Variants in FRMD4A observed in about 807,000 individuals in gnomAD.
The protein encoded by FRMD4A is FERM domain containing 4A, also known as FERM domain-containing protein 4A.
Under a neutral mutation model 129.1 loss-of-function variants are expected in FRMD4A, and 29 were observed. The observed-to-expected ratio is 0.22, with a 90% CI of 0.17 to 0.31. FRMD4A has a LOEUF of 0.31. Ranked by LOEUF, FRMD4A falls within the 10% of genes least tolerant of loss-of-function variation. The pLI, the probability that FRMD4A is intolerant of heterozygous loss-of-function variation, is 1.00. For missense variants in FRMD4A, 1,272 were observed against 1,375.8 expected (o/e 0.92, Z 1.19); for synonymous variants, 634 against 571.6 (o/e 1.11, Z -1.56).
chr10:13,675,021 G>A lies in FRMD4A; in HGVS notation c.1141C>T (p.Gln381Ter). ...GCCAGCATGTCCTTCTTGGCCGACTGCGAGCTATCTGATTCCTGAGAACCT... is the reference window on the plus strand; with the variant it reads ...GCCAGCATGTCCTTCTTGGCCGACTACGAGCTATCTGATTCCTGAGAACCT... ...SSGSQESDSSQSAKKDMLAAL... is the reference protein window; with the variant it reads ...SSGSQESDSS The change falls in exon 16 of 25, where the codon CAG becomes TAG. Residue 381 changes from glutamine (Q) to a stop codon, truncating the protein, a stop_gained. Transcript: ENST00000357447. LOFTEE classifies it high-confidence loss of function. 6.2e-7 allele frequency: 1 copy of A among 1,613,584 alleles called. No individual in the cohort carries two copies. The highest frequency in any genetic ancestry group is 8.5e-7 in the Non-Finnish European group (1 of 1,179,970).
At chr10:13,899,802 G>A (rs888610127) in intron 2 of FRMD4A, among the ~76,000 whole-genome samples, 11 of 152,234 alleles carry the variant, frequency 7.2e-5, no homozygotes, top group African/African-American at 2.4e-4. Context: ...ATACACTGGC[G>A]GTCACAGGCA....
rs1163403453 is a variant in FRMD4A at position 13,657,292 on chromosome 10, G to A, written c.2297C>T (p.Ala766Val). ...GTCCTCGGCCAGCGTGGAGTAGTTG[G>A]CGTTCATCTGCGCCGGGTAGTAGTG... Reference protein sequence around the residue: ...SEHYYPAQMNANYSTLAEDSP... With the variant: ...SEHYYPAQMNVNYSTLAEDSP... Residue 766 changes from alanine (A) to valine (V), a missense_variant, in exon 22 of 25, where the codon GCC becomes GTC. Ala to Val is a moderately conservative substitution (Grantham distance 64). This residue lies in a region of FRMD4A where 972 missense variants were observed against 892.3 expected (regional missense o/e 1.09). Transcript: ENST00000357447. 1.2e-6 allele frequency: 2 copies of A among 1,609,182 alleles called. No homozygotes were observed. The highest frequency in any genetic ancestry group is 1.7e-6 in the Non-Finnish European group (2 of 1,179,242).
chr10:14,185,476 A>G (rs115611869), intron 2 of FRMD4A, among the ~76,000 whole-genome samples: 1 of 152,226 alleles, frequency 6.6e-6, no homozygotes, highest in Admixed American at 6.5e-5. Context: ...AAAACATTAC[A>G]ACATTTTGTA....
intron 3 of FRMD4A, among the ~76,000 whole-genome samples, chr10:13,838,385 C>T (rs930243621): frequency 2.6e-5 from 4 of 151,946 alleles, no homozygotes; most frequent in Admixed American, 6.6e-5. Flanking sequence ...TGAACTACCA[C>T]GCCCAGCCAC....
At position 14,300,324 on chromosome 10, in the gene FRMD4A, C is replaced by A. The variant is rs952202046; in HGVS notation, c.45+29734G>T. On this transcript the variant is annotated intron_variant, in intron 2 of 24. Coordinates refer to ENST00000357447, the MANE Select transcript of FRMD4A (RefSeq NM_018027.5). ...TATGATGGGCTGATCTGAGCACTGA[C>A]TTTGCCATGCCCTGCACCAAGCTTA... 2.6e-5 allele frequency among the ~76,000 whole-genome samples: 4 copies of A among 152,292 alleles called. No homozygotes were observed. In the East Asian group the frequency reaches 7.7e-4, roughly 29 times the overall value.
intron 2 of FRMD4A, chr10:14,327,028 A>C (rs1843305931): frequency 2.5e-6 from 1 of 398,434 alleles, no homozygotes; most frequent in African/African-American, 2.1e-5. Context: ...GTCCGTTGAA[A>C]GAATCAGTGA....
Position 13,737,900 on chromosome 10 carries a change from G to A in FRMD4A, c.703C>T (p.Leu235=). ...TACTGGAAGATCCCTTTGTAGCTCA[G>A]GCCCAGCCACCATGGTATGCCCTGC... ...DKQGIPWWLG[L]SYKGIFQYDY... The change falls in exon 12 of 25, where the codon CTG becomes TTG. Residue 235 remains leucine (L), a synonymous_variant. Coordinates refer to ENST00000357447, the MANE Select transcript of FRMD4A (RefSeq NM_018027.5). The A allele has an allele frequency of 6.2e-7, 1 of 1,607,054 alleles. No individual in the cohort carries two copies. Among genetic ancestry groups the A allele is most frequent in the Non-Finnish European group, 8.5e-7 (1 of 1,173,794 alleles).
chr10:14,165,225 C>A (rs920265698), intron 2 of FRMD4A, among the ~76,000 whole-genome samples: 1 of 152,136 alleles, frequency 6.6e-6, no homozygotes, highest in African/African-American at 2.4e-5. Context: ...AGACATTTTT[C>A]AAAAGAAGAC....
At chr10:13,703,709 G>T (rs2087103552) in intron 13 of FRMD4A, among the ~76,000 whole-genome samples, 1 of 152,134 alleles carries the variant, frequency 6.6e-6, no homozygotes. Context: ...GCACCGCGAG[G>T]TTCACTTCAA....
At chr10:13,969,251 T>C (rs1358824269) in intron 2 of FRMD4A, among the ~76,000 whole-genome samples, 1 of 152,206 alleles carries the variant, frequency 6.6e-6, no homozygotes, top group Non-Finnish European at 1.5e-5. Context: ...CCCATGGGGA[T>C]TACCTCCCAG....
At chr10:13,781,028 C>CGTGGT (rs1176132597) in intron 6 of FRMD4A, among the ~76,000 whole-genome samples, 1 of 152,116 alleles carries the variant, frequency 6.6e-6, no homozygotes, top group African/African-American at 2.4e-5. Context: ...GGCAGCCAAG[C>CGTGGT]GTGGTGGCCC....
intron 2 of FRMD4A, among the ~76,000 whole-genome samples, chr10:14,093,504 T>C (rs1836772217): frequency 6.6e-6 from 1 of 152,190 alleles, no homozygotes; most frequent in African/African-American, 2.4e-5. Flanking sequence ...GACATAATCA[T>C]GAGGTTCACT....
intron 2 of FRMD4A, among the ~76,000 whole-genome samples, chr10:14,311,538 G>A (rs1220946969): frequency 1.3e-5 from 2 of 151,522 alleles, no homozygotes; most frequent in African/African-American, 4.9e-5. Flanking sequence ...CCTACCAAGC[G>A]TGGCCTTCTG....
chr10:13,923,724 A>C (rs1233621485), intron 2 of FRMD4A, among the ~76,000 whole-genome samples: 1 of 152,206 alleles, frequency 6.6e-6, no homozygotes, highest in Non-Finnish European at 1.5e-5. Context: ...TATCTTATAC[A>C]TAAGCAGTTG....
chr10:14,105,354 C>A (rs566731997), intron 2 of FRMD4A, among the ~76,000 whole-genome samples: 1 of 152,068 alleles, frequency 6.6e-6, no homozygotes, highest in African/African-American at 2.4e-5. Flanking sequence ...TCACTTGAGC[C>A]CAGGAGTTTG....
intron 2 of FRMD4A, among the ~76,000 whole-genome samples, chr10:14,045,991 G>A (rs1012789423): frequency 4.0e-5 from 6 of 149,206 alleles, no homozygotes; most frequent in Non-Finnish European, 8.9e-5. Flanking sequence ...ATTATTCAAT[G>A]TTATACATAT....
At chr10:14,121,755 C>A (rs887929497) in intron 2 of FRMD4A, among the ~76,000 whole-genome samples, 1 of 152,204 alleles carries the variant, frequency 6.6e-6, no homozygotes, top group Non-Finnish European at 1.5e-5. Flanking sequence ...GGACTCCTTG[C>A]TGAAAACCAT....
chr10:14,273,670 T>C (rs1383144551), intron 2 of FRMD4A, among the ~76,000 whole-genome samples: 1 of 152,056 alleles, frequency 6.6e-6, no homozygotes, highest in Non-Finnish European at 1.5e-5. Context: ...TGATGAGCTC[T>C]AATCTCCACA....
chr10:13,823,108 G>A (rs747643653), intron 3 of FRMD4A, among the ~76,000 whole-genome samples: 1 of 152,210 alleles, frequency 6.6e-6, no homozygotes, highest in Non-Finnish European at 1.5e-5. Flanking sequence ...CCATGTGGGA[G>A]GGAGGCTTTC....
Sources: allele counts gnomAD v4.1 joint callset (sites outside exome capture counted in the v4.1 genomes callset), GRCh38; gene constraint gnomAD v4.1.1; regional missense constraint gnomAD v4.1.1; transcripts MANE v1.5; gene names NCBI Gene and HGNC (gene_info 2026-07-23, HGNC 2026-07-21).